ATG7: variants seen among roughly 807,000 people sequenced by gnomAD.
The protein encoded by ATG7 is ubiquitin-like modifier-activating enzyme ATG7.
Under a neutral mutation model 82.4 loss-of-function variants are expected in ATG7, and 70 were observed. The ratio of observed to expected loss-of-function variants is 0.85; its 90% CI spans 0.70 to 1.04. The LOEUF is 1.04. Among genes scored for constraint, ATG7 ranks in the 50% least tolerant of loss-of-function variants. The probability of loss-of-function intolerance (pLI) is 0.00; values close to 1 mark genes in which losing one functional copy is unlikely to be tolerated. For synonymous variants in ATG7, 287 were observed against 313.0 expected, an observed-to-expected ratio of 0.92 and a Z score of 0.88; for missense variants, 792 against 864.3, an observed-to-expected ratio of 0.92 and a Z score of 1.05.
At chr3:11,389,251 AAAAAAAG>A (rs1218167118) in intron 19 of ATG7, among the ~76,000 whole-genome samples, 1 of 150,972 alleles carries the variant, frequency 6.6e-6, no homozygotes, top group East Asian at 1.9e-4. Flanking sequence ...AAAAAAAAAA[AAAAAAAG>A]ATGTGAAAGA....
intron 20 of ATG7, chr3:11,488,516 C>G: frequency 1.7e-6 from 2 of 1,201,670 alleles, no homozygotes; most frequent in Non-Finnish European, 2.1e-6. Flanking sequence ...GCGACTGTCC[C>G]GGCTCCGCAC....
chr3:11,504,151 AG>A (rs1436006150), intron 20 of ATG7, among the ~76,000 whole-genome samples: 3 of 152,160 alleles, frequency 2.0e-5, no homozygotes, highest in African/African-American at 7.2e-5. Flanking sequence ...GACAGTCGAG[AG>A]GGGGAAAAAA....
rs1386943052 is a variant in ATG7, at chr3:11,422,769, T to TTTTTTTTTTTG, written c.1957-4035_1957-4034insTTTTTTTTTTG. Among the ~76,000 whole-genome samples the TTTTTTTTTTTG allele has an allele frequency of 2.2e-4, 23 of 102,696 alleles. 4 individuals are homozygous for TTTTTTTTTTTG. The highest frequency in any genetic ancestry group is 8.7e-4 in the African/African-American group (22 of 25,270). 67.4% of individuals were successfully genotyped at this position (102,696 alleles called of 152,430 possible). A position where few individuals can be genotyped will look rare whatever the true frequency, so the allele number is the denominator to read the frequency against. ...TTTTTTTTTTTTTTTTTTTTTTTTT[T>TTTTTTTTTTTG]GGAGACAGAGTCTCACTCCGTTGCC... is the stretch of plus-strand genomic sequence containing the variant. On this transcript the variant is annotated intron_variant, in intron 19 of 20. Coordinates refer to ENST00000693202, the MANE Select transcript of ATG7 (RefSeq NM_001349232.2).
intron 1 of ATG7, chr3:11,277,096 G>A (rs952562957): frequency 6.6e-6 from 1 of 152,064 alleles, no homozygotes; most frequent in Non-Finnish European, 1.5e-5. Context: ...CTATAGATTC[G>A]ACTTTGTTGC....
chr3:11,391,967 G>GGT (rs1553640483), intron 19 of ATG7, among the ~76,000 whole-genome samples: 58 of 130,824 alleles, frequency 4.4e-4, no homozygotes, highest in African/African-American at 1.8e-3. Flanking sequence ...TTGGGGGGGG[G>GGT]GTAATTTCAC....
intron 18 of ATG7, among the ~76,000 whole-genome samples, chr3:11,373,141 GAGTA>G (rs1226178566): frequency 6.6e-6 from 1 of 150,938 alleles, no homozygotes; most frequent in Admixed American, 6.6e-5. Flanking sequence ...CAAGAGTTGA[GAGTA>G]AGCTGTGTGA....
chr3:11,539,097 A>ATT lies in ATG7; in HGVS notation c.2080-15704_2080-15703dup, dbSNP rs35489820. ...CAAAATGTTAATGATATCAACTGAG[A>ATT]TTTTTTTTTTTCAGGTTGTAAAGTT... is the stretch of plus-strand genomic sequence containing the variant. On this transcript the variant is annotated intron_variant, in intron 20 of 20. Transcript: ENST00000693202. 4.0e-3 allele frequency among the ~76,000 whole-genome samples: 603 copies of ATT among 150,108 alleles called. 21 individuals carry two copies. The East Asian group carries it at 0.079, about 20-fold the overall frequency.
intron 7 of ATG7, among the ~76,000 whole-genome samples, chr3:11,309,788 TTTA>T (rs1575349561): frequency 1.3e-5 from 2 of 152,342 alleles, no homozygotes; most frequent in South Asian, 4.1e-4. Context: ...ATTTATATCC[TTTA>T]TTATTATATT....
At chr3:11,471,814 A>G (rs2087576881) in intron 20 of ATG7, among the ~76,000 whole-genome samples, 1 of 133,482 alleles carries the variant, frequency 7.5e-6, no homozygotes, top group African/African-American at 2.9e-5. Flanking sequence ...GTCTCAGCTC[A>G]CTGCAACCTC....
At chr3:11,458,398 G>A (rs2152994716) in intron 20 of ATG7, among the ~76,000 whole-genome samples, 1 of 152,052 alleles carries the variant, frequency 6.6e-6, no homozygotes, top group Admixed American at 6.5e-5. Context: ...TGAGTAGCTG[G>A]GACTACAGGC....
At chr3:11,346,360 G>A (rs1275390146) in intron 13 of ATG7, among the ~76,000 whole-genome samples, 1 of 152,144 alleles carries the variant, frequency 6.6e-6, no homozygotes, top group Non-Finnish European at 1.5e-5. Flanking sequence ...ATAAATTGCT[G>A]GAAATAGGTC....
intron 20 of ATG7, among the ~76,000 whole-genome samples, chr3:11,527,075 A>ATG (rs2092599410): frequency 9.3e-6 from 1 of 108,038 alleles, no homozygotes; most frequent in African/African-American, 4.0e-5. Flanking sequence ...GTGTGTGTAT[A>ATG]TATATATATA....
downstream of ATG7, chr3:11,558,752 G>T (rs371428293): frequency 1.2e-6 from 2 of 1,614,160 alleles, no homozygotes; most frequent in African/African-American, 1.3e-5. Context: ...GTTGGGTGCC[G>T]GCTCGGGCTC....
In ATG7 at chr3:11,360,781, A is replaced by G; in HGVS notation, c.1680A>G (p.Gly560=). The G allele has an allele frequency of 1.2e-6, 2 of 1,614,152 alleles. No homozygotes were observed. The highest frequency in any genetic ancestry group is 1.7e-6 in the Non-Finnish European group (2 of 1,179,990). The change falls in exon 16 of 21, where the codon GGA becomes GGG. Residue 560 remains glycine, a synonymous_variant. Transcript: ENST00000693202. ...TCTGCAATGATGTGGTGGCCCCAGGAGATGTAAGTGGATTTCTCTATAGTT... is the reference window on the plus strand; with the variant it reads ...TCTGCAATGATGTGGTGGCCCCAGGGGATGTAAGTGGATTTCTCTATAGTT... ...CYFCNDVVAP[G]DSTRDRTLDQ...
chr3:11,304,781 G>T (rs189390615), intron 5 of ATG7: 3 of 152,256 alleles, frequency 2.0e-5, no homozygotes, highest in Non-Finnish European at 2.9e-5. Flanking sequence ...ACGCATTATC[G>T]CAAGTTCACT....
chr3:11,515,069 T>C (rs1177708963), intron 20 of ATG7, among the ~76,000 whole-genome samples: 2 of 152,036 alleles, frequency 1.3e-5, no homozygotes, highest in Admixed American at 1.3e-4. Flanking sequence ...TCGACCTCCT[T>C]ACCTGGTGAT....
chr3:11,458,324 C>T (rs1225703905), intron 20 of ATG7, among the ~76,000 whole-genome samples: 1 of 152,074 alleles, frequency 6.6e-6, no homozygotes, highest in Non-Finnish European at 1.5e-5. Context: ...AGTGCAGCGG[C>T]ACCATCTCCG....
intron 20 of ATG7, among the ~76,000 whole-genome samples, chr3:11,516,395 A>T (rs899784644): frequency 6.6e-6 from 1 of 152,258 alleles, no homozygotes; most frequent in African/African-American, 2.4e-5. Context: ...AAATGACTAG[A>T]TACCATGTAA....
chr3:11,347,437 T>G (rs1954724500), intron 13 of ATG7, among the ~76,000 whole-genome samples: 1 of 152,186 alleles, frequency 6.6e-6, no homozygotes, highest in South Asian at 2.1e-4. Context: ...AATTTGTGAG[T>G]CATTTTTTGG....
Sources: gnomAD v4.1 joint callset for allele counts (sites outside exome capture counted in the v4.1 genomes callset) on GRCh38, gnomAD v4.1.1 for gene constraint, MANE v1.5 for transcripts, NCBI Gene and HGNC (gene_info 2026-07-23, HGNC 2026-07-21) for gene names.